The following RAD51C variants were observed in gnomAD, a reference collection of about 807,000 sequenced individuals.
RAD51C encodes the protein DNA repair protein RAD51 homolog 3.
In RAD51C, 42 loss-of-function variants were observed where a neutral mutation model predicts 45.0. The ratio of observed to expected loss-of-function variants is 0.93; its 90% confidence interval spans 0.73 to 1.21. The LOEUF (loss-of-function observed/expected upper bound fraction) is 1.21. Ranked by LOEUF, RAD51C falls within the 50% of genes most tolerant of loss-of-function variation. The pLI is 0.00. For missense variants in RAD51C, 474 were observed against 452.2 expected (o/e 1.05, Z -0.44); for synonymous variants, 172 against 159.8 (o/e 1.08, Z -0.58).
intron 4 of RAD51C, among the ~76,000 whole-genome samples, chr17:58,708,820 G>A (rs1185309548): frequency 2.0e-5 from 3 of 151,658 alleles, no homozygotes; most frequent in East Asian, 3.9e-4. Flanking sequence ...CACCTGCTTC[G>A]GCCTCCCAAA....
At chr17:58,709,092 CTTT>C (rs34570887) in intron 4 of RAD51C, among the ~76,000 whole-genome samples, 13 of 116,988 alleles carry the variant, frequency 1.1e-4, no homozygotes, top group South Asian at 5.5e-4. Flanking sequence ...TTTTGAATTA[CTTT>C]TTTTTTTTTT....
At chr17:58,714,706 C>G (rs1052201534) in intron 5 of RAD51C, among the ~76,000 whole-genome samples, 4 of 152,230 alleles carry the variant, frequency 2.6e-5, no homozygotes, top group African/African-American at 9.6e-5. Flanking sequence ...ATCCACCCGC[C>G]TCAGCCTCCC....
At chr17:58,717,068 G>A (rs2048766032) in intron 5 of RAD51C, among the ~76,000 whole-genome samples, 1 of 151,850 alleles carries the variant, frequency 6.6e-6, no homozygotes, top group Non-Finnish European at 1.5e-5. Flanking sequence ...CAAAGTGCTG[G>A]GATTACAGTC....
intron 4 of RAD51C, among the ~76,000 whole-genome samples, chr17:58,707,065 C>T (rs73996262): frequency 0.15 from 22,313 of 152,174 alleles, 2,534 homozygotes; most frequent in East Asian, 0.31. Flanking sequence ...ACTTCCTCTA[C>T]ACTTTGCTTA....
chr17:58,708,771 C>T (rs1159881263), intron 4 of RAD51C, among the ~76,000 whole-genome samples: 3 of 152,022 alleles, frequency 2.0e-5, no homozygotes, highest in African/African-American at 4.8e-5. Context: ...GGTTTCACCA[C>T]GTTGGCCAGG....
rs902133920 is a variant in RAD51C at position 58,699,190 on chromosome 17, C to G, written c.571+2331C>G. ...CCCGGCTAATTTTTTGTTTTTTTAG[C>G]AGAGATGGAGTTTCACCATGCTGGC... is the stretch of plus-strand genomic sequence containing the variant. On this transcript the variant is annotated intron_variant, in intron 3 of 8. Transcript: ENST00000337432. Among the ~76,000 whole-genome samples, 3 of 151,754 alleles carry G rather than the reference C, an allele frequency of 2.0e-5. No homozygotes were observed. In the South Asian group the frequency reaches 6.2e-4, roughly 32 times the overall value.
intron 8 of RAD51C, among the ~76,000 whole-genome samples, chr17:58,733,266 T>C (rs1268722666): frequency 2.6e-5 from 4 of 152,196 alleles, no homozygotes; most frequent in Non-Finnish European, 5.9e-5. Context: ...TCCGCCCTTC[T>C]CAGCCTTCCA....
intron 2 of RAD51C, among the ~76,000 whole-genome samples, chr17:58,696,412 G>A (rs1037780098): frequency 1.3e-5 from 2 of 152,142 alleles, no homozygotes; most frequent in Non-Finnish European, 2.9e-5. Flanking sequence ...CAGCCTGGGC[G>A]ACAGAGCGAG....
intron 3 of RAD51C, among the ~76,000 whole-genome samples, chr17:58,702,855 C>T (rs1159314844): frequency 6.6e-6 from 1 of 151,998 alleles, no homozygotes; most frequent in Admixed American, 6.6e-5. Flanking sequence ...AGAGTGAGAC[C>T]TTATCTCTAA....
intron 7 of RAD51C, among the ~76,000 whole-genome samples, chr17:58,727,121 T>C: frequency 6.6e-6 from 1 of 151,022 alleles, no homozygotes; most frequent in Middle Eastern, 3.5e-3. Context: ...CACCCGGCCT[T>C]ATAAACTTTT....
At chr17:58,730,105 G>C (rs916278377) in intron 7 of RAD51C, among the ~76,000 whole-genome samples, 2 of 150,634 alleles carry the variant, frequency 1.3e-5, no homozygotes, top group African/African-American at 4.9e-5. Context: ...TTGCATTAAA[G>C]ATAGATTATC....
At chr17:58,714,657 C>T (rs912557629) in intron 5 of RAD51C, among the ~76,000 whole-genome samples, 6 of 151,964 alleles carry the variant, frequency 3.9e-5, no homozygotes, top group African/African-American at 1.4e-4. Flanking sequence ...ATGGGTTTCA[C>T]TGTGTTAGCC....
intron 3 of RAD51C, among the ~76,000 whole-genome samples, chr17:58,702,806 C>T (rs1052514632): frequency 2.8e-4 from 43 of 151,816 alleles, no homozygotes; most frequent in African/African-American, 1.0e-3. Flanking sequence ...GAGGTTGCAG[C>T]GAGCTATGAT....
Position 58,702,002 on chromosome 17 carries a change from T to G in RAD51C, c.572-1194T>G, listed in dbSNP as rs559869891. 7.8e-5 allele frequency among the ~76,000 whole-genome samples: 5 copies of G among 64,508 alleles called. No individual in the cohort carries two copies. In the South Asian group the frequency reaches 1.1e-3, roughly 14 times the overall value. 42.3% of individuals were successfully genotyped at this position (64,508 alleles called of 152,430 possible). A position where few individuals can be genotyped will look rare whatever the true frequency, so the allele number is the denominator to read the frequency against. ...TTTCTAACTGTGTTTTATTTTTTTG[T>G]TTTTTTTTTTGAGACAGAGTTTTCA... On this transcript the variant is annotated intron_variant, in intron 3 of 8. Transcript: ENST00000337432.
intron 6 of RAD51C, 123 bp downstream of exon 6, chr17:58,720,935 A>G (rs181865251): frequency 2.5e-6 from 2 of 790,778 alleles, no homozygotes; most frequent in East Asian, 5.3e-5. Flanking sequence ...TCACTGGTTA[A>G]TCTTAGCACT....
chr17:58,718,627 T>G (rs1208030301), intron 5 of RAD51C, among the ~76,000 whole-genome samples: 1 of 152,204 alleles, frequency 6.6e-6, no homozygotes, highest in Non-Finnish European at 1.5e-5. Context: ...TTGAGGGCCA[T>G]CTGTGAGTTG....
intron 8 of RAD51C, among the ~76,000 whole-genome samples, 169 bp from the exon 9 acceptor site, chr17:58,733,949 C>T (rs963458155): frequency 3.3e-5 from 5 of 152,266 alleles, no homozygotes; most frequent in Admixed American, 6.5e-5. Context: ...AACTCCTGAC[C>T]TCATGATCTG....
chr17:58,719,643 C>T (rs1300989132), intron 5 of RAD51C, among the ~76,000 whole-genome samples: 2 of 151,984 alleles, frequency 1.3e-5, no homozygotes, highest in Non-Finnish European at 2.9e-5. Context: ...AGCAAGACCC[C>T]ATCTCTAAAG....
intron 4 of RAD51C, chr17:58,706,722 A>C: frequency 1.4e-5 from 3 of 215,988 alleles, no homozygotes; most frequent in Non-Finnish European, 3.2e-5. Context: ...TTGTGGAATC[A>C]AGGAAGTCCA....
Sources: gnomAD v4.1 joint callset for allele counts (sites outside exome capture counted in the v4.1 genomes callset) on GRCh38, gnomAD v4.1.1 for gene constraint, MANE v1.5 for transcripts, NCBI Gene and HGNC (gene_info 2026-07-23, HGNC 2026-07-21) for gene names.